The following REEP1 variants were observed in gnomAD, a reference collection of about 807,000 sequenced individuals.
The protein encoded by REEP1 is receptor accessory protein 1.
A neutral mutation model predicts 40.3 loss-of-function variants in REEP1; 22 were observed. The ratio of observed to expected loss-of-function variants is 0.55; its 90% CI spans 0.39 to 0.78. The LOEUF is 0.78. Ranked by LOEUF, REEP1 falls within the 30% of genes least tolerant of loss-of-function variation. REEP1 has a pLI of 0.00. For missense variants in REEP1, 280 were observed against 361.1 expected, an observed-to-expected ratio of 0.78 and a Z score of 1.82; for synonymous variants, 116 against 139.2, an observed-to-expected ratio of 0.83 and a Z score of 1.17.
chr2:86,221,562 C>T (rs1052288019), intron 7 of REEP1, among the ~76,000 whole-genome samples: 19 of 152,266 alleles, frequency 1.2e-4, no homozygotes, highest in African/African-American at 4.6e-4. Flanking sequence ...GGCCTCCCCA[C>T]TCTGAGACCC....
chr2:86,267,609 C>CCAGGAGTTCAAGCTTACTG (rs1222589842), intron 2 of REEP1, among the ~76,000 whole-genome samples: 2 of 151,606 alleles, frequency 1.3e-5, no homozygotes, highest in African/African-American at 4.9e-5. Flanking sequence ...TGGCTTGAGC[C>CCAGGAGTTCAAGCTTACTG]CAGGAGTTCA....
chr2:86,292,196 A>G (rs1678744737), intron 1 of REEP1, among the ~76,000 whole-genome samples: 1 of 152,162 alleles, frequency 6.6e-6, no homozygotes, highest in South Asian at 2.1e-4. Flanking sequence ...ACAGAGACCA[A>G]AAACACCTAC....
At chr2:86,230,617 G>C (rs1416234021) in intron 6 of REEP1, among the ~76,000 whole-genome samples, 4 of 152,214 alleles carry the variant, frequency 2.6e-5, no homozygotes, top group South Asian at 2.1e-4. Context: ...ATGACAATGC[G>C]CCTTCTCAGG....
intron 1 of REEP1, among the ~76,000 whole-genome samples, chr2:86,325,185 C>G (rs986160174): frequency 7.2e-5 from 11 of 152,154 alleles, no homozygotes; most frequent in Admixed American, 6.5e-4. Context: ...GAATTCAAGG[C>G]TGAAGTGAGC....
chr2:86,235,573 A>T (rs765175585), intron 5 of REEP1, among the ~76,000 whole-genome samples: 2 of 152,224 alleles, frequency 1.3e-5, no homozygotes, highest in Non-Finnish European at 2.9e-5. Flanking sequence ...GAGGTGGAAA[A>T]GGTCACTTCC....
At chr2:86,261,182 C>A (rs1286947558) in intron 3 of REEP1, among the ~76,000 whole-genome samples, 1 of 152,176 alleles carries the variant, frequency 6.6e-6, no homozygotes, top group African/African-American at 2.4e-5. Context: ...TAGCACCACA[C>A]AGAAGGCCTG....
chr2:86,292,128 G>A (rs556857131), intron 1 of REEP1, among the ~76,000 whole-genome samples: 1 of 152,186 alleles, frequency 6.6e-6, no homozygotes, highest in Non-Finnish European at 1.5e-5. Context: ...CTCCAACCCT[G>A]ACTAGCTGTG....
chr2:86,300,702 G>A (rs1438486354), intron 1 of REEP1, among the ~76,000 whole-genome samples: 1 of 152,188 alleles, frequency 6.6e-6, no homozygotes, highest in Non-Finnish European at 1.5e-5. Context: ...ACAATAAAGA[G>A]TTGTTGTTTT....
intron 5 of REEP1, among the ~76,000 whole-genome samples, chr2:86,248,336 C>T (rs1676081874): frequency 6.6e-6 from 1 of 152,196 alleles, no homozygotes; most frequent in South Asian, 2.1e-4. Context: ...GAGGAGAAGA[C>T]AGGCAGGTCC....
intron 2 of REEP1, among the ~76,000 whole-genome samples, chr2:86,267,663 G>T (rs1677220248): frequency 1.3e-5 from 2 of 152,076 alleles, no homozygotes; most frequent in South Asian, 2.1e-4. Context: ...TTCAGCCAGG[G>T]CAACAGAGCA....
chr2:86,296,343 G>C (rs1384271827), intron 1 of REEP1, among the ~76,000 whole-genome samples: 2 of 152,254 alleles, frequency 1.3e-5, no homozygotes, highest in Admixed American at 1.3e-4. Context: ...ATGTGGATCA[G>C]AGAAGTTAAA....
intron 1 of REEP1, among the ~76,000 whole-genome samples, chr2:86,296,233 T>C (rs900672113): frequency 2.6e-5 from 4 of 152,220 alleles, no homozygotes; most frequent in Non-Finnish European, 4.4e-5. Context: ...TACAATACAA[T>C]GCACGCTCTG....
At chr2:86,289,374 G>A (rs979476179) in intron 1 of REEP1, among the ~76,000 whole-genome samples, 1 of 152,124 alleles carries the variant, frequency 6.6e-6, no homozygotes, top group Non-Finnish European at 1.5e-5. Context: ...CTGATCTACT[G>A]TCTAACCATG....
intron 2 of REEP1, among the ~76,000 whole-genome samples, chr2:86,281,755 C>T (rs1678106263): frequency 6.6e-6 from 1 of 152,206 alleles, no homozygotes; most frequent in Non-Finnish European, 1.5e-5. Context: ...AGCTGCAGAA[C>T]CAGGAACCAA....
upstream of REEP1, chr2:86,338,002 G>A (rs753064785): frequency 6.5e-7 from 1 of 1,534,344 alleles, no homozygotes; most frequent in Non-Finnish European, 8.7e-7. Context: ...CAGCTAGTGC[G>A]TTAGCCTCAT....
At chr2:86,288,344 C>T (rs1479272809) in intron 1 of REEP1, among the ~76,000 whole-genome samples, 1 of 152,134 alleles carries the variant, frequency 6.6e-6, no homozygotes, top group Non-Finnish European at 1.5e-5. Context: ...TTTGTATTGA[C>T]ACAGGGTCTC....
intron 1 of REEP1, among the ~76,000 whole-genome samples, chr2:86,300,996 A>G (rs191295915): frequency 6.6e-6 from 1 of 152,318 alleles, no homozygotes; most frequent in Non-Finnish European, 1.5e-5. Context: ...TGAGGATCCA[A>G]TTCAGAAGCT....
chr2:86,322,541 G>T (rs1680314977), intron 1 of REEP1, among the ~76,000 whole-genome samples: 1 of 151,954 alleles, frequency 6.6e-6, no homozygotes. Flanking sequence ...GACCTCCTGG[G>T]TGCAAGAGAT....
intron 1 of REEP1, among the ~76,000 whole-genome samples, chr2:86,320,712 T>G (rs775616160): frequency 2.0e-5 from 3 of 152,198 alleles, no homozygotes; most frequent in African/African-American, 7.2e-5. Flanking sequence ...AATTAAAAAA[T>G]TGTAAATCAA....
Sources: allele counts gnomAD v4.1 joint callset (sites outside exome capture counted in the v4.1 genomes callset), GRCh38; gene constraint gnomAD v4.1.1; transcripts MANE v1.5; gene names NCBI Gene and HGNC (gene_info 2026-07-23, HGNC 2026-07-21).